ADAM9: variants seen among roughly 807,000 people sequenced by gnomAD.
The protein encoded by ADAM9 is disintegrin and metalloproteinase domain-containing protein 9.
ADAM9 carries 54 observed loss-of-function variants against 108.1 expected under a neutral mutation model. The ratio of observed to expected loss-of-function variants is 0.50; its 90% CI spans 0.40 to 0.63. The LOEUF is 0.63. ADAM9 is among the 20% of genes least tolerant of loss of function. The pLI is 0.00. For missense variants in ADAM9, 830 were observed against 997.7 expected (o/e 0.83, Z 2.26); for synonymous variants, 316 against 336.0 (o/e 0.94, Z 0.65).
Position 39,082,659 on chromosome 8 carries a change from T to C in ADAM9, c.1900T>C (p.Cys634Arg). The C allele has an allele frequency of 6.2e-7, 1 of 1,611,716 alleles. No homozygotes were observed. The highest frequency in any genetic ancestry group is 8.5e-7 in the Non-Finnish European group (1 of 1,178,610). ...GAGKICRNFQ[C>R]VDASVLNYDC... ...TTTTCAGATCTGTAGAAACTTCCAG[T>C]GTGTAGATGCTTCTGTTCTGAATTA... The change falls in exon 17 of 22, where the codon TGT (cysteine) becomes CGT (arginine). Residue 634 changes from cysteine to arginine, a missense_variant. By Grantham distance (180) the Cys-to-Arg change is radical (BLOSUM62 -3). This residue lies in a region of ADAM9 where 238 missense variants were observed against 235.7 expected (regional missense o/e 1.01). Transcript: ENST00000487273.
intron 1 of ADAM9, among the ~76,000 whole-genome samples, chr8:39,001,169 A>G (rs1429939737): frequency 6.6e-6 from 1 of 152,210 alleles, no homozygotes; most frequent in African/African-American, 2.4e-5. Context: ...GCCACTTAAG[A>G]GAAGTGATTA....
At chr8:39,061,784 A>T (rs986122027) in intron 14 of ADAM9, among the ~76,000 whole-genome samples, 1 of 152,208 alleles carries the variant, frequency 6.6e-6, no homozygotes, top group Non-Finnish European at 1.5e-5. Context: ...GGGCAGAGCC[A>T]TCATGGACTA....
At chr8:39,023,740 GTTTTTTTTTTTTT>G (rs869059346) in intron 9 of ADAM9, among the ~76,000 whole-genome samples, 71 of 78,900 alleles carry the variant, frequency 9.0e-4, no homozygotes, top group Non-Finnish European at 1.1e-3. Flanking sequence ...TTTTGCGTTT[GTTTTTTTTTTTTT>G]TTTTTTTTTT....
At chr8:39,091,530 CG>C (rs1564378226) in intron 20 of ADAM9, among the ~76,000 whole-genome samples, 184 bp downstream of exon 20, 1 of 152,154 alleles carries the variant, frequency 6.6e-6, no homozygotes, top group African/African-American at 2.4e-5. Context: ...CTCTGTTGCC[CG>C]GGGTGGAGTA....
intron 11 of ADAM9, among the ~76,000 whole-genome samples, chr8:39,032,621 C>T (rs963966034): frequency 4.6e-5 from 7 of 152,242 alleles, no homozygotes; most frequent in African/African-American, 1.4e-4. Flanking sequence ...ACCTCTTGTG[C>T]TTCCTGGGTG....
At chr8:39,067,734 A>C (rs1177766199) in intron 14 of ADAM9, among the ~76,000 whole-genome samples, 1 of 152,112 alleles carries the variant, frequency 6.6e-6, no homozygotes, top group African/African-American at 2.4e-5. Flanking sequence ...AATACCCTTT[A>C]TTTCTTTCTC....
At chr8:39,036,524 C>CT (rs1263456388) in intron 11 of ADAM9, among the ~76,000 whole-genome samples, 1 of 151,804 alleles carries the variant, frequency 6.6e-6, no homozygotes, top group African/African-American at 2.4e-5. Flanking sequence ...TGTCGATCTC[C>CT]TTTTGAAGCC....
chr8:39,065,557 G>A (rs1335299410), intron 14 of ADAM9, among the ~76,000 whole-genome samples: 3 of 151,142 alleles, frequency 2.0e-5, no homozygotes, highest in Admixed American at 1.3e-4. Context: ...CTACTCGGGA[G>A]GCTGAGGCAG....
chr8:39,047,857 G>C (rs1184478658), intron 12 of ADAM9, among the ~76,000 whole-genome samples: 2 of 147,874 alleles, frequency 1.4e-5, no homozygotes, highest in African/African-American at 5.0e-5. Context: ...CAGATTTCTT[G>C]GGTTGTAAAG....
At chr8:39,082,941 A>T in intron 17 of ADAM9, 27 bp from the exon 18 acceptor site, 1 of 1,587,054 alleles carries the variant, frequency 6.3e-7, no homozygotes. Flanking sequence ...CACAATTAAC[A>T]AAAGTGGTAT....
rs944598100 is a variant in ADAM9 at position 39,056,293 on chromosome 8, A to C, written c.1591+521A>C. On this transcript the variant is annotated intron_variant, in intron 14 of 21. Transcript: ENST00000487273. ...AATTATTGTGTAATGCATAGTATGAACAAATAAGGACTGTTCCCACCCACT... is the reference window on the plus strand; with the variant it reads ...AATTATTGTGTAATGCATAGTATGACCAAATAAGGACTGTTCCCACCCACT... Among the ~76,000 whole-genome samples the C allele has an allele frequency of 4.6e-5, 7 of 152,310 alleles. No homozygotes were observed. In the South Asian group the frequency reaches 1.4e-3, roughly 32 times the overall value.
Position 38,997,047 on chromosome 8 carries a change from C to T in ADAM9, c.-17C>T, listed in dbSNP as rs1835834835. The T allele has an allele frequency of 6.2e-7, 1 of 1,605,666 alleles. No individual in the cohort carries two copies. Among genetic ancestry groups the T allele is most frequent in the Non-Finnish European group, 8.5e-7 (1 of 1,179,376 alleles). ...GAGGCGACCGAGTGCTGAGAGGAACCTGCGGAATCGGCCGAGATGGGGTCT... is the reference window on the plus strand; with the variant it reads ...GAGGCGACCGAGTGCTGAGAGGAACTTGCGGAATCGGCCGAGATGGGGTCT... On this transcript the variant is annotated 5_prime_UTR_variant, in exon 1 of 22. Coordinates refer to ENST00000487273, the MANE Select transcript of ADAM9 (RefSeq NM_003816.3).
At chr8:39,048,121 A>T (rs536422132) in intron 12 of ADAM9, among the ~76,000 whole-genome samples, 12 of 152,120 alleles carry the variant, frequency 7.9e-5, no homozygotes, top group South Asian at 4.2e-4. Flanking sequence ...GGGTTTCGCC[A>T]TGTTGGCCAG....
intron 18 of ADAM9, among the ~76,000 whole-genome samples, chr8:39,086,961 G>A (rs1326546633): frequency 6.6e-6 from 1 of 152,242 alleles, no homozygotes; most frequent in East Asian, 1.9e-4. Flanking sequence ...GAGCTGTGGG[G>A]CTTATTTCCA....
At chr8:39,099,787 C>A (rs149156923) in intron 20 of ADAM9, among the ~76,000 whole-genome samples, 1 of 151,698 alleles carries the variant, frequency 6.6e-6, no homozygotes, top group Admixed American at 6.6e-5. Context: ...TATCCAGCAC[C>A]TTGCTTGCTT....
At chr8:39,032,556 T>G (rs1439280933) in intron 11 of ADAM9, among the ~76,000 whole-genome samples, 1 of 152,228 alleles carries the variant, frequency 6.6e-6, no homozygotes, top group Non-Finnish European at 1.5e-5. Flanking sequence ...GTTGTCCCAA[T>G]TTTCCAGGTA....
At chr8:39,068,888 C>T (rs1838585260) in intron 14 of ADAM9, among the ~76,000 whole-genome samples, 1 of 151,890 alleles carries the variant, frequency 6.6e-6, no homozygotes. Context: ...CTACTCTCTC[C>T]AGAAAATAAA....
At chr8:39,023,020 T>A in intron 8 of ADAM9, 136 bp from the exon 9 acceptor site, 1 of 792,082 alleles carries the variant, frequency 1.3e-6, no homozygotes, top group Non-Finnish European at 2.0e-6. Flanking sequence ...GCCCAAAGTC[T>A]CATTGTATTA....
intron 15 of ADAM9, 83 bp from the exon 16 acceptor site, chr8:39,077,145 G>A: frequency 6.9e-7 from 1 of 1,439,004 alleles, no homozygotes; most frequent in South Asian, 1.2e-5. Flanking sequence ...AGCAAACTCT[G>A]TCCATATGCA....
Sources: allele counts gnomAD v4.1 joint callset (sites outside exome capture counted in the v4.1 genomes callset), GRCh38; gene constraint gnomAD v4.1.1; regional missense constraint gnomAD v4.1.1; transcripts MANE v1.5; gene names NCBI Gene and HGNC (gene_info 2026-07-23, HGNC 2026-07-21).